Variants in KSR2 observed in about 807,000 individuals in gnomAD.
KSR2 encodes kinase suppressor of ras 2.
A neutral mutation model predicts 107.8 loss-of-function variants in KSR2; 25 were observed. The observed-to-expected ratio is 0.23, with a 90% CI of 0.17 to 0.32. The LOEUF (loss-of-function observed/expected upper bound fraction) is 0.32. Ranked by LOEUF, KSR2 falls within the 10% of genes least tolerant of loss-of-function variation. The pLI is 1.00. For synonymous variants in KSR2, 480 were observed against 507.0 expected (o/e 0.95, Z 0.71); for missense variants, 887 against 1,268.9 (o/e 0.70, Z 4.57).
intron 3 of KSR2, among the ~76,000 whole-genome samples, chr12:117,825,957 G>T (rs1468431065): frequency 1.5e-5 from 2 of 136,574 alleles, no homozygotes; most frequent in Non-Finnish European, 3.2e-5. Context: ...ACAGGTGGGT[G>T]GATGGGTGGG....
intron 5 of KSR2, among the ~76,000 whole-genome samples, chr12:117,588,154 C>G (rs1238902273): frequency 6.6e-6 from 1 of 152,172 alleles, no homozygotes; most frequent in Non-Finnish European, 1.5e-5. Flanking sequence ...CTCATTGGCC[C>G]CACAGCCTGT....
intron 3 of KSR2, among the ~76,000 whole-genome samples, chr12:117,853,098 C>T (rs576791836): frequency 1.8e-4 from 27 of 151,526 alleles, no homozygotes; most frequent in African/African-American, 5.6e-4. Context: ...CCACCACGTC[C>T]GGCCAAAATA....
chr12:117,519,574 G>C (rs1248886266), intron 14 of KSR2, among the ~76,000 whole-genome samples: 1 of 152,074 alleles, frequency 6.6e-6, no homozygotes, highest in Non-Finnish European at 1.5e-5. Context: ...AGGGGGTGAC[G>C]TGGGGGCTTC....
intron 13 of KSR2, among the ~76,000 whole-genome samples, chr12:117,525,524 T>G (rs1875075021): frequency 6.6e-6 from 1 of 152,088 alleles, no homozygotes; most frequent in Non-Finnish European, 1.5e-5. Flanking sequence ...ATCTTCCTGG[T>G]TTTAGCACCG....
chr12:117,566,191 A>T (rs1878481549), intron 7 of KSR2, among the ~76,000 whole-genome samples: 1 of 151,964 alleles, frequency 6.6e-6, no homozygotes, highest in East Asian at 1.9e-4. Context: ...GTGCAATCTC[A>T]GCTCACTGCA....
At chr12:117,553,016 C>T (rs757002256) in intron 9 of KSR2, among the ~76,000 whole-genome samples, 22 of 152,200 alleles carry the variant, frequency 1.4e-4, no homozygotes, top group African/African-American at 2.7e-4. Context: ...GATTGTCGTA[C>T]GCCACTAAGT....
intron 1 of KSR2, among the ~76,000 whole-genome samples, chr12:117,937,981 A>AT (rs1895897063): frequency 6.6e-6 from 1 of 151,128 alleles, no homozygotes; most frequent in Non-Finnish European, 1.5e-5. Context: ...GAAAAAAAAA[A>AT]AAAAAAAAAA....
At chr12:117,798,290 C>T (rs1333301357) in intron 3 of KSR2, among the ~76,000 whole-genome samples, 1 of 152,172 alleles carries the variant, frequency 6.6e-6, no homozygotes, top group Non-Finnish European at 1.5e-5. Flanking sequence ...GTTCCTGTTC[C>T]AGCTGCAGGC....
At chr12:117,772,858 T>C (rs1889555608) in intron 3 of KSR2, among the ~76,000 whole-genome samples, 1 of 152,252 alleles carries the variant, frequency 6.6e-6, no homozygotes, top group South Asian at 2.1e-4. Context: ...GTTTACTTTC[T>C]TTCCTTGAAG....
At chr12:117,650,630 A>T (rs1883864855) in intron 5 of KSR2, among the ~76,000 whole-genome samples, 1 of 152,214 alleles carries the variant, frequency 6.6e-6, no homozygotes, top group African/African-American at 2.4e-5. Flanking sequence ...GAATTATGCA[A>T]AATAAATGCA....
At chr12:117,622,544 G>T (rs1383106599) in intron 5 of KSR2, among the ~76,000 whole-genome samples, 2 of 151,982 alleles carry the variant, frequency 1.3e-5, no homozygotes, top group Non-Finnish European at 2.9e-5. Flanking sequence ...ACAAGGTCAA[G>T]CAGGATGTGC....
In KSR2 at chr12:117,761,122, G is replaced by C; in HGVS notation, c.875C>G (p.Pro292Arg). Reference sequence around the variant, plus strand: ...GTGTATCAGTTTTCGGGAGGAGGGCGGTGGGGTCCCCGGGGGCTTCAGCTT... The same window carrying C: ...GTGTATCAGTTTTCGGGAGGAGGGCCGTGGGGTCCCCGGGGGCTTCAGCTT... ...KNKLKPPGTP[P>R]PSSRKLIHLI... Residue 292 changes from proline (P) to arginine (R), a missense_variant, in exon 4 of 20, where the codon CCG becomes CGG. By Grantham distance (103) the Pro-to-Arg change is moderately radical (BLOSUM62 -2). Coordinates refer to ENST00000339824, the MANE Select transcript of KSR2 (RefSeq NM_173598.6). 1 of 1,613,332 alleles carries C rather than the reference G, an allele frequency of 6.2e-7. No homozygotes were observed. The highest frequency in any genetic ancestry group is 8.5e-7 in the Non-Finnish European group (1 of 1,179,516).
chr12:117,742,902 G>A (rs1457849001), intron 4 of KSR2, among the ~76,000 whole-genome samples: 1 of 152,182 alleles, frequency 6.6e-6, no homozygotes, highest in Non-Finnish European at 1.5e-5. Flanking sequence ...ATATCATTGA[G>A]TCACTGGGCC....
At chr12:117,828,753 T>A (rs529131068) in intron 3 of KSR2, among the ~76,000 whole-genome samples, 8 of 152,334 alleles carry the variant, frequency 5.3e-5, no homozygotes, top group Admixed American at 1.3e-4. Context: ...ACCACCTGGA[T>A]GTCCCTCTGA....
intron 3 of KSR2, among the ~76,000 whole-genome samples, chr12:117,766,451 AG>A (rs1324332356): frequency 6.6e-6 from 1 of 152,204 alleles, no homozygotes; most frequent in Non-Finnish European, 1.5e-5. Flanking sequence ...GTGATGAAAT[AG>A]GTTTGGAACT....
At chr12:117,494,113 G>A (rs912436832) in intron 14 of KSR2, among the ~76,000 whole-genome samples, 2 of 152,180 alleles carry the variant, frequency 1.3e-5, no homozygotes, top group Admixed American at 1.3e-4. Context: ...AATGGATGCA[G>A]TGCCTTAGGC....
intron 1 of KSR2, among the ~76,000 whole-genome samples, chr12:117,935,554 A>G (rs1895812495): frequency 6.6e-6 from 1 of 152,116 alleles, no homozygotes; most frequent in East Asian, 1.9e-4. Context: ...TGAGGTCAGG[A>G]GTTCGAGACC....
At chr12:117,644,895 C>T (rs747534694) in intron 5 of KSR2, among the ~76,000 whole-genome samples, 74 of 152,262 alleles carry the variant, frequency 4.9e-4, no homozygotes, top group Admixed American at 9.2e-4. Flanking sequence ...CTCTCGCGTG[C>T]TCAGCATCCC....
intron 4 of KSR2, among the ~76,000 whole-genome samples, chr12:117,719,823 C>T (rs141279462): frequency 1.2e-4 from 18 of 152,328 alleles, no homozygotes; most frequent in African/African-American, 4.3e-4. Context: ...CTCCTTCAAA[C>T]ATTGGTCTTG....
Sources: allele counts gnomAD v4.1 joint callset (sites outside exome capture counted in the v4.1 genomes callset), GRCh38; gene constraint gnomAD v4.1.1; transcripts MANE v1.5; gene names NCBI Gene and HGNC (gene_info 2026-07-23, HGNC 2026-07-21).